The following ARHGAP21 variants were observed in gnomAD, a reference collection of about 807,000 sequenced individuals.
ARHGAP21 encodes the protein rho GTPase-activating protein 21.
Under a neutral mutation model 164.6 loss-of-function variants are expected in ARHGAP21, and 38 were observed. That is an observed-to-expected ratio of 0.23 (90% CI 0.18 to 0.30). The LOEUF (loss-of-function observed/expected upper bound fraction) is 0.30. ARHGAP21 is among the 10% of genes least tolerant of loss of function. ARHGAP21 has a pLI of 1.00. For synonymous variants in ARHGAP21, 766 were observed against 857.9 expected, an observed-to-expected ratio of 0.89 and a Z score of 1.87; for missense variants, 1,822 against 2,370.7, an observed-to-expected ratio of 0.77 and a Z score of 4.81.
rs139169159 is a variant in ARHGAP21, at chr10:24,596,628, A to G, written c.3477+112T>C. The G allele has an allele frequency of 1.0e-3, 1,497 of 1,477,042 alleles. 27 individuals carry two copies. In the East Asian group the frequency reaches 0.028, roughly 28 times the overall value. 91.5% of individuals were successfully genotyped at this position (1,477,042 alleles called of 1,614,324 possible). ...TAGGGAAACTAAGGTCTGCTATGAAAAGGAAAACAGATTGACAGTCTCTGT... is the reference window on the plus strand; with the variant it reads ...TAGGGAAACTAAGGTCTGCTATGAAGAGGAAAACAGATTGACAGTCTCTGT... On this transcript the variant is annotated intron_variant, in intron 17 of 25. Coordinates refer to ENST00000396432, the MANE Select transcript of ARHGAP21 (RefSeq NM_020824.4).
intron 2 of ARHGAP21, among the ~76,000 whole-genome samples, chr10:24,680,931 G>A (rs1841703616): frequency 6.6e-6 from 1 of 152,154 alleles, no homozygotes; most frequent in South Asian, 2.1e-4. Context: ...AATTCCTGTG[G>A]ACTAAGAACT....
At chr10:24,702,366 C>T (rs922315152) in intron 2 of ARHGAP21, among the ~76,000 whole-genome samples, 8 of 151,812 alleles carry the variant, frequency 5.3e-5, no homozygotes, top group Admixed American at 3.9e-4. Flanking sequence ...CTCCTGACCT[C>T]GTGATCCGCC....
chr10:24,659,111 T>C (rs562346232), intron 4 of ARHGAP21, among the ~76,000 whole-genome samples: 1 of 152,348 alleles, frequency 6.6e-6, no homozygotes, highest in Non-Finnish European at 1.5e-5. Flanking sequence ...GTATAGCCAC[T>C]GTGGAAAACG....
Position 24,622,758 on chromosome 10 carries a change from T to A in ARHGAP21, c.500A>T (p.Gln167Leu). Residue 167 changes from glutamine (Q) to leucine (L), a missense_variant, in exon 8 of 26, where the codon CAG becomes CTG. Gln to Leu is a moderately radical substitution (Grantham distance 113). Coordinates refer to ENST00000396432, the MANE Select transcript of ARHGAP21 (RefSeq NM_020824.4). ...CAGTGCTGTGACATCCTTTGTAAAC[T>A]GTAGCTAGCAGAAAATAGGAAAACA... Reference protein sequence around the residue: ...PKDEDILQVLQFTKDVTALAY... With the variant: ...PKDEDILQVLLFTKDVTALAY... 6.2e-7 allele frequency: 1 copy of A among 1,611,266 alleles called. No individual in the cohort carries two copies. The highest frequency in any genetic ancestry group is 8.5e-7 in the Non-Finnish European group (1 of 1,179,060).
chr10:24,594,343 C>CA (rs1184459540), intron 21 of ARHGAP21, among the ~76,000 whole-genome samples: 2 of 152,080 alleles, frequency 1.3e-5, no homozygotes, highest in African/African-American at 4.8e-5. Flanking sequence ...GACACTTTTA[C>CA]AATCAAGAAA....
intron 4 of ARHGAP21, among the ~76,000 whole-genome samples, chr10:24,649,000 T>C (rs1837888241): frequency 6.6e-6 from 1 of 152,202 alleles, no homozygotes; most frequent in African/African-American, 2.4e-5. Flanking sequence ...AGAATCACTT[T>C]TATTACCTTT....
chr10:24,671,987 C>T (rs138561808), intron 2 of ARHGAP21, among the ~76,000 whole-genome samples: 1 of 150,312 alleles, frequency 6.7e-6, no homozygotes, highest in East Asian at 2.0e-4. Context: ...GGCTCAGCCT[C>T]CCAAAGTGGT....
In ARHGAP21 at chr10:24,621,291, T is replaced by C. The variant is rs139061849; in HGVS notation, c.604A>G (p.Ile202Val). ...NARNIPEPPP[I>V]CYPWLPSAPS... ...GCAGATGGCAGCCAGGGATAGCAGA[T>C]TGGTGGAGGTTCAGGTATATTGCGG... is the stretch of plus-strand genomic sequence containing the variant. The change falls in exon 9 of 26, where the codon ATC becomes GTC. Residue 202 changes from isoleucine (I) to valine (V), a missense_variant. Ile to Val is a conservative substitution (Grantham distance 29). Around this residue, in one of 5 missense-constraint regions of ARHGAP21, gnomAD observed 1,090 missense variants for 1,378.9 expected, o/e 0.79. Transcript: ENST00000396432. The C allele has an allele frequency of 6.2e-6, 10 of 1,613,116 alleles. No homozygotes were observed. The highest frequency in any genetic ancestry group is 4.5e-5 in the East Asian group (2 of 44,882).
intron 2 of ARHGAP21, among the ~76,000 whole-genome samples, chr10:24,697,963 G>A (rs1275807261): frequency 6.6e-6 from 1 of 152,154 alleles, no homozygotes; most frequent in Non-Finnish European, 1.5e-5. Flanking sequence ...GCATTTGGGG[G>A]GGAAATTCTA....
intron 4 of ARHGAP21, among the ~76,000 whole-genome samples, chr10:24,662,991 G>A (rs1056711871): frequency 2.0e-5 from 3 of 147,398 alleles, no homozygotes; most frequent in African/African-American, 7.5e-5. Context: ...GTAAAAATAT[G>A]GTATTCATAG....
chr10:24,686,160 G>T (rs1047622855), intron 2 of ARHGAP21, among the ~76,000 whole-genome samples: 2 of 152,158 alleles, frequency 1.3e-5, no homozygotes, highest in African/African-American at 2.4e-5. Flanking sequence ...GCCGGACATG[G>T]TGAGTCATGC....
In ARHGAP21 at chr10:24,602,080, T is replaced by C; in HGVS notation, c.2745A>G (p.Ser915=). ...AATCTTTTCTGGACCCAGAGTCTTC[T>C]GATGACTTTTGGCTGTCTGCGATCT... ...GIKIADSQKS[S]EDSGSRKDSS... is the part of the protein sequence containing the mutation. Residue 915 remains serine (S), a synonymous_variant, in exon 13 of 26, where the codon TCA becomes TCG. Coordinates refer to ENST00000396432, the MANE Select transcript of ARHGAP21 (RefSeq NM_020824.4). 1 of 1,613,572 alleles carries C rather than the reference T, an allele frequency of 6.2e-7. No homozygotes were observed. Among genetic ancestry groups the C allele is most frequent in the Non-Finnish European group, 8.5e-7 (1 of 1,179,888 alleles).
intron 2 of ARHGAP21, among the ~76,000 whole-genome samples, chr10:24,709,738 TAAA>T (rs201779827): frequency 1.5e-5 from 2 of 131,036 alleles, no homozygotes; most frequent in Admixed American, 7.7e-5. Context: ...AACCTTCTCT[TAAA>T]AAAAAAAAAA....
intron 4 of ARHGAP21, among the ~76,000 whole-genome samples, chr10:24,640,491 T>G (rs1836891941): frequency 6.6e-6 from 1 of 152,020 alleles, no homozygotes; most frequent in South Asian, 2.1e-4. Context: ...ATCTCTATCT[T>G]TATACAACAA....
intron 12 of ARHGAP21, among the ~76,000 whole-genome samples, 151 bp downstream of exon 12, chr10:24,604,159 TAA>T (rs1396630319): frequency 6.6e-6 from 1 of 152,064 alleles, no homozygotes; most frequent in African/African-American, 2.4e-5. Flanking sequence ...CTTGAACTGA[TAA>T]AGTCAGAAAA....
chr10:24,602,238 C>T (rs1012813622), intron 12 of ARHGAP21, 135 bp from the exon 13 acceptor site: 6 of 999,704 alleles, frequency 6.0e-6, no homozygotes, highest in Non-Finnish European at 8.4e-6. Context: ...CTAACTTTAT[C>T]TTTTTAAAAA....
intron 2 of ARHGAP21, among the ~76,000 whole-genome samples, chr10:24,718,107 G>C (rs1845569817): frequency 6.6e-6 from 1 of 152,186 alleles, no homozygotes; most frequent in South Asian, 2.1e-4. Context: ...ACTCAGGTGG[G>C]GGTAGTGGGT....
intron 4 of ARHGAP21, among the ~76,000 whole-genome samples, chr10:24,650,906 A>C (rs1241523472): frequency 6.6e-6 from 1 of 152,038 alleles, no homozygotes; most frequent in Non-Finnish European, 1.5e-5. Flanking sequence ...TTCCAAAGTA[A>C]TGGCTGAGAG....
intron 6 of ARHGAP21, 44 bp from the exon 7 acceptor site, chr10:24,630,094 TA>T (rs780921126): frequency 5.7e-5 from 63 of 1,114,520 alleles, no homozygotes; most frequent in African/African-American, 4.0e-4. Flanking sequence ...TAGAAGTGTA[TA>T]AAAAAAGACT....
Sources: gnomAD v4.1 joint callset for allele counts (sites outside exome capture counted in the v4.1 genomes callset) on GRCh38, gnomAD v4.1.1 for gene constraint, gnomAD v4.1.1 regional missense constraint, MANE v1.5 for transcripts, NCBI Gene and HGNC (gene_info 2026-07-23, HGNC 2026-07-21) for gene names.